APBB1IP: variants seen among roughly 807,000 people sequenced by gnomAD.
APBB1IP encodes amyloid beta precursor protein binding family B member 1 interacting protein.
A neutral mutation model predicts 64.9 loss-of-function variants in APBB1IP; 27 were observed. The ratio of observed to expected loss-of-function variants is 0.42; its 90% CI spans 0.31 to 0.57. The LOEUF is 0.57. APBB1IP is among the 20% of genes least tolerant of loss of function. The probability of loss-of-function intolerance (pLI) is 0.20; values close to 1 mark genes in which losing one functional copy is unlikely to be tolerated. For synonymous variants in APBB1IP, 392 were observed against 331.0 expected (o/e 1.18, Z -2.00); for missense variants, 812 against 845.5 (o/e 0.96, Z 0.49).
chr10:26,488,570 T>A (rs538351280), intron 2 of APBB1IP, among the ~76,000 whole-genome samples: 1 of 152,172 alleles, frequency 6.6e-6, no homozygotes, highest in Non-Finnish European at 1.5e-5. Flanking sequence ...ATGATTCAGA[T>A]ACTTTGTAAG....
intron 2 of APBB1IP, among the ~76,000 whole-genome samples, chr10:26,483,499 A>G (rs1266537757): frequency 6.6e-6 from 1 of 152,212 alleles, no homozygotes; most frequent in African/African-American, 2.4e-5. Flanking sequence ...TATTATTATC[A>G]GGCAGGTAGA....
intron 8 of APBB1IP, among the ~76,000 whole-genome samples, chr10:26,519,432 T>C (rs787069): frequency 0.64 from 97,251 of 152,032 alleles, 31,546 homozygotes; most frequent in Admixed American, 0.73. Flanking sequence ...GTGAGCACCT[T>C]ACATGGCTGG....
chr10:26,497,721 A>ATTTTTTT (rs895511347), intron 4 of APBB1IP, among the ~76,000 whole-genome samples: 1 of 100,334 alleles, frequency 1.0e-5, no homozygotes, highest in Non-Finnish European at 1.9e-5. Context: ...TGTCCTCTGG[A>ATTTTTTT]TTTTTTTTTT....
intron 6 of APBB1IP, among the ~76,000 whole-genome samples, chr10:26,509,375 C>G (rs1223949143): frequency 6.6e-6 from 1 of 152,156 alleles, no homozygotes; most frequent in Non-Finnish European, 1.5e-5. Flanking sequence ...ATTTTGACTG[C>G]CCCATGTCTA....
chr10:26,474,426 A>G (rs1835753506), intron 2 of APBB1IP, among the ~76,000 whole-genome samples: 2 of 152,358 alleles, frequency 1.3e-5, no homozygotes, highest in South Asian at 4.1e-4. Context: ...GCTAAGTAAA[A>G]GAATTTTACT....
chr10:26,507,838 C>A (rs974959432), intron 6 of APBB1IP, among the ~76,000 whole-genome samples: 5 of 152,186 alleles, frequency 3.3e-5, no homozygotes, highest in East Asian at 3.8e-4. Context: ...AGATTCCATT[C>A]ATTCGCTTCA....
At chr10:26,550,168 G>A (rs1475417029) in intron 11 of APBB1IP, among the ~76,000 whole-genome samples, 1 of 151,094 alleles carries the variant, frequency 6.6e-6, no homozygotes, top group African/African-American at 2.4e-5. Flanking sequence ...TTTTCTTGCT[G>A]CTTTCAGGTG....
At chr10:26,477,327 A>C (rs1564355592) in intron 2 of APBB1IP, among the ~76,000 whole-genome samples, 2 of 152,208 alleles carry the variant, frequency 1.3e-5, no homozygotes, top group Non-Finnish European at 2.9e-5. Context: ...CTCAATTAAA[A>C]GTATTTCTTT....
rs10685344 is a variant in APBB1IP, at chr10:26,450,690, C to CTTTT, written c.-1+11850_-1+11853dup. Among the ~76,000 whole-genome samples, 10 of 138,870 alleles carry CTTTT rather than the reference C, an allele frequency of 7.2e-5. 1 individual carries two copies. The highest frequency in any genetic ancestry group is 1.1e-4 in the Non-Finnish European group (7 of 65,156). The allele number at this position is 138,870 out of a possible 152,430, so 91.1% of individuals were successfully genotyped here. A position where few individuals can be genotyped will look rare whatever the true frequency, so the allele number is the denominator to read the frequency against. Reference sequence around the variant, plus strand: ...CCCCTGCCCTCCTGGAACTCAGATTCTTTTTTTTTTTTTTTTGACACTGAG... The same window carrying CTTTT: ...CCCCTGCCCTCCTGGAACTCAGATTCTTTTTTTTTTTTTTTTTTTTGACACTGAG... On this transcript the variant is annotated intron_variant, in intron 2 of 14. Coordinates refer to ENST00000376236, the MANE Select transcript of APBB1IP (RefSeq NM_019043.4).
At chr10:26,485,856 T>C (rs1227090341) in intron 2 of APBB1IP, among the ~76,000 whole-genome samples, 1 of 152,066 alleles carries the variant, frequency 6.6e-6, no homozygotes, top group Admixed American at 6.6e-5. Context: ...GAAGGAGATA[T>C]GCACAGAGGA....
chr10:26,504,153 C>A (rs899313161), intron 6 of APBB1IP, among the ~76,000 whole-genome samples: 14 of 152,298 alleles, frequency 9.2e-5, no homozygotes, highest in African/African-American at 3.1e-4. Flanking sequence ...TTTTCCTATG[C>A]CCTGGGGCAG....
intron 2 of APBB1IP, among the ~76,000 whole-genome samples, chr10:26,452,392 T>A (rs1212888541): frequency 6.6e-6 from 1 of 152,212 alleles, no homozygotes; most frequent in East Asian, 1.9e-4. Flanking sequence ...CACTGTGTGA[T>A]GTGAAAGACG....
intron 2 of APBB1IP, among the ~76,000 whole-genome samples, chr10:26,475,609 C>T (rs887849459): frequency 7.2e-5 from 11 of 152,156 alleles, no homozygotes; most frequent in African/African-American, 1.4e-4. Flanking sequence ...AAATCCCATC[C>T]GGCCATGGAT....
At chr10:26,471,288 A>G (rs1405996495) in intron 2 of APBB1IP, among the ~76,000 whole-genome samples, 2 of 151,910 alleles carry the variant, frequency 1.3e-5, no homozygotes, top group Non-Finnish European at 2.9e-5. Flanking sequence ...CAAAATAGAG[A>G]CCCCCACACT....
At chr10:26,506,266 G>T (rs1836177708) in intron 6 of APBB1IP, among the ~76,000 whole-genome samples, 2 of 130,390 alleles carry the variant, frequency 1.5e-5, no homozygotes, top group Non-Finnish European at 1.7e-5. Flanking sequence ...GGGGGGGTGG[G>T]GGGCAAGGTC....
chr10:26,506,299 G>C (rs1424340131), intron 6 of APBB1IP, among the ~76,000 whole-genome samples: 1 of 151,176 alleles, frequency 6.6e-6, no homozygotes, highest in African/African-American at 2.4e-5. Context: ...CCAGGCTGGA[G>C]TGCAGTGGTA....
At chr10:26,518,959 G>T (rs1481747672) in intron 8 of APBB1IP, among the ~76,000 whole-genome samples, 2 of 152,122 alleles carry the variant, frequency 1.3e-5, no homozygotes, top group Non-Finnish European at 2.9e-5. Flanking sequence ...CAAGCTACTT[G>T]TATTGGGCCA....
chr10:26,545,775 A>C (rs1162629452), intron 11 of APBB1IP, among the ~76,000 whole-genome samples: 1 of 58,946 alleles, frequency 1.7e-5, no homozygotes, highest in East Asian at 5.6e-4. Flanking sequence ...AAAAACAAAC[A>C]AACAAACAAA....
chr10:26,519,711 T>G (rs1022225896), intron 8 of APBB1IP, among the ~76,000 whole-genome samples: 3 of 152,252 alleles, frequency 2.0e-5, no homozygotes, highest in African/African-American at 7.2e-5. Flanking sequence ...AAAAGCCAAC[T>G]TTTATACATT....
Sources: gnomAD v4.1 joint callset for allele counts (sites outside exome capture counted in the v4.1 genomes callset) on GRCh38, gnomAD v4.1.1 for gene constraint, MANE v1.5 for transcripts, NCBI Gene and HGNC (gene_info 2026-07-23, HGNC 2026-07-21) for gene names.